Variants in WNT7B observed in about 807,000 individuals in gnomAD.
The protein encoded by WNT7B is protein Wnt-7b.
In WNT7B, 19 loss-of-function variants were observed where a neutral mutation model predicts 38.2. The observed-to-expected ratio is 0.50, with a 90% CI of 0.35 to 0.73. The LOEUF (loss-of-function observed/expected upper bound fraction) is 0.73. Among genes scored for constraint, WNT7B ranks in the 30% least tolerant of loss-of-function variants. WNT7B has a pLI of 0.01. For synonymous variants in WNT7B, 243 were observed against 209.3 expected (o/e 1.16, Z -1.39); for missense variants, 423 against 507.9 (o/e 0.83, Z 1.61).
At chr22:45,963,869 A>T (rs953727502) in intron 1 of WNT7B, among the ~76,000 whole-genome samples, 6 of 152,124 alleles carry the variant, frequency 3.9e-5, no homozygotes, top group Admixed American at 2.0e-4. Flanking sequence ...GAGGCATCAC[A>T]CCGCACACCC....
chr22:45,928,156 C>G (rs575065924), intron 3 of WNT7B, among the ~76,000 whole-genome samples: 1 of 152,180 alleles, frequency 6.6e-6, no homozygotes, highest in African/African-American at 2.4e-5. Flanking sequence ...TTGTCTGTGG[C>G]GGCAGTCAGC....
chr22:45,969,205 C>T (rs1932377109), intron 1 of WNT7B, among the ~76,000 whole-genome samples: 1 of 152,212 alleles, frequency 6.6e-6, no homozygotes, highest in Non-Finnish European at 1.5e-5. Context: ...GGTAAGTGCC[C>T]CCCCACCCTG....
At chr22:45,972,108 C>CGGGGGGGGGGGGGGGG in intron 1 of WNT7B, 1 of 579,228 alleles carries the variant, frequency 1.7e-6, no homozygotes, top group Non-Finnish European at 3.1e-6. Context: ...GCTGGAGGCC[C>CGGGGGGGGGGGGGGGG]GGGGGGAGCC....
chr22:45,935,780 C>T (rs908424760), intron 2 of WNT7B: 43 of 979,104 alleles, frequency 4.4e-5, no homozygotes, highest in Middle Eastern at 5.2e-4. Flanking sequence ...ATGGGAAAAC[C>T]GAGCCTTCAA....
rs1207851083 is a variant in WNT7B, at chr22:45,931,253, C to G, written c.415G>C (p.Gly139Arg). The G allele has an allele frequency of 6.3e-7, 1 of 1,598,978 alleles. No individual in the cohort carries two copies. Among genetic ancestry groups the G allele is most frequent in the East Asian group, 2.2e-5 (1 of 44,884 alleles). The change falls in exon 3 of 4, where the codon GGC becomes CGC. Residue 139 changes from glycine to arginine, a missense_variant. Coordinates refer to ENST00000339464, the MANE Select transcript of WNT7B (RefSeq NM_058238.3). ...SNCGCDREKQ[G>R]YYNQAEGWKW... ...CAGCCCTCGGCTTGGTTGTAGTAGCCCTGCTTCTCGCGGTCGCAGCCGCAG... is the reference window on the plus strand; with the variant it reads ...CAGCCCTCGGCTTGGTTGTAGTAGCGCTGCTTCTCGCGGTCGCAGCCGCAG...
chr22:45,924,949 T>TGG, intron 3 of WNT7B, among the ~76,000 whole-genome samples: 1 of 136,418 alleles, frequency 7.3e-6, no homozygotes, highest in South Asian at 2.4e-4. Flanking sequence ...TGAAGGCTCA[T>TGG]CAGGTGGGTG....
At position 45,922,878 on chromosome 22, in the gene WNT7B, G is replaced by A. The variant is rs1334960403; in HGVS notation, c.1028C>T (p.Thr343Ile). Residue 343 changes from threonine (T) to isoleucine (I), a missense_variant, in exon 4 of 4, where the codon ACC (threonine) becomes ATC (isoleucine). Transcript: ENST00000339464. ...GCCTCACTTGCAGGTGAAGACCTCG[G>A]TGCGCTCGCTGCAGGTGTTGCACTT... ...FVKCNTCSER[T>I]EVFTCK 1.2e-6 allele frequency: 2 copies of A among 1,603,060 alleles called. No homozygotes were observed. The highest frequency in any genetic ancestry group is 2.7e-5 in the African/African-American group (2 of 74,740).
chr22:45,943,682 T>C (rs757263420), intron 2 of WNT7B, among the ~76,000 whole-genome samples: 20 of 152,304 alleles, frequency 1.3e-4, no homozygotes, highest in Non-Finnish European at 1.9e-4. Flanking sequence ...GGGGGCAACA[T>C]GGCCTTGGGT....
At chr22:45,944,840 A>C (rs978394449) in intron 2 of WNT7B, among the ~76,000 whole-genome samples, 2 of 152,074 alleles carry the variant, frequency 1.3e-5, no homozygotes, top group African/African-American at 4.8e-5. Context: ...GTCCTCCGAA[A>C]ACGGCTGCTC....
chr22:45,952,140 G>C (rs117979240), intron 1 of WNT7B, among the ~76,000 whole-genome samples: 2 of 152,200 alleles, frequency 1.3e-5, no homozygotes, highest in African/African-American at 4.8e-5. Context: ...GGGGACCGCC[G>C]GGGGCTCCCC....
intron 1 of WNT7B, among the ~76,000 whole-genome samples, chr22:45,974,770 C>T (rs749313710): frequency 9.9e-5 from 15 of 152,108 alleles, no homozygotes; most frequent in Non-Finnish European, 1.6e-4. Context: ...TACACGGAGG[C>T]CCGGTGGGGT....
At chr22:45,936,037 G>C (rs1931506510) in intron 2 of WNT7B, 2 of 985,406 alleles carry the variant, frequency 2.0e-6, no homozygotes, top group Non-Finnish European at 1.2e-6. Context: ...GCATCCAGCA[G>C]TATCCCTAGA....
Position 45,931,247 on chromosome 22 carries a change from A to G in WNT7B, c.421T>C (p.Tyr141His). 6.3e-7 allele frequency: 1 copy of G among 1,599,192 alleles called. No individual in the cohort carries two copies. The highest frequency in any genetic ancestry group is 8.5e-7 in the Non-Finnish European group (1 of 1,179,840). Residue 141 changes from tyrosine (Y) to histidine (H), a missense_variant, in exon 3 of 4, where the codon TAC becomes CAC. Transcript: ENST00000339464. The stretch of plus-strand genomic sequence containing the variant: ...CACTTCCAGCCCTCGGCTTGGTTGT[A>G]GTAGCCCTGCTTCTCGCGGTCGCAG... ...CGCDREKQGY[Y>H]NQAEGWKWGG...
rs141954188 is a variant in WNT7B at position 45,930,795 on chromosome 22, C to G, written c.570+303G>C. Among the ~76,000 whole-genome samples, 531 of 152,342 alleles carry G rather than the reference C, an allele frequency of 3.5e-3. 3 individuals are homozygous for G. The highest frequency in any genetic ancestry group is 0.012 in the African/African-American group (502 of 41,590). On this transcript the variant is annotated intron_variant, in intron 3 of 3. Coordinates refer to ENST00000339464, the MANE Select transcript of WNT7B (RefSeq NM_058238.3). ...GGCTGTGGCCTGGGACCCTCCGCCA[C>G]GGGGTCCCCAGCCAAGCCCAGCTCA... is the stretch of plus-strand genomic sequence containing the variant.
At chr22:45,955,147 G>A (rs1932028921) in intron 1 of WNT7B, among the ~76,000 whole-genome samples, 1 of 152,212 alleles carries the variant, frequency 6.6e-6, no homozygotes, top group Non-Finnish European at 1.5e-5. Flanking sequence ...CGGCTCCCAT[G>A]CAGCTGCCAT....
rs988794189 is a variant in WNT7B at position 45,975,749 on chromosome 22, C to A, written c.71+935G>T. 2.6e-6 allele frequency: 1 copy of A among 388,488 alleles called. No homozygotes were observed. Among genetic ancestry groups the A allele is most frequent in the Non-Finnish European group, 4.6e-6 (1 of 217,458 alleles). The allele number at this position is 388,488 out of a possible 1,614,324, so 24.1% of individuals were successfully genotyped here. A position where few individuals can be genotyped will look rare whatever the true frequency, so the allele number is the denominator to read the frequency against. Reference sequence around the variant, plus strand: ...GGCGGCGCACAGTAGGCGCGCAGGGCGCGGCGGGGCCCGGGTCCCCGCAGG... The same window carrying A: ...GGCGGCGCACAGTAGGCGCGCAGGGAGCGGCGGGGCCCGGGTCCCCGCAGG... On this transcript the variant is annotated intron_variant, in intron 1 of 3. Transcript: ENST00000339464. The surrounding 1 kb of genome is among the most constrained non-coding windows in gnomAD (Gnocchi z 6.6).
rs1164975115 is a variant in WNT7B, at chr22:45,931,235, C to T, written c.433G>A (p.Glu145Lys). 4.4e-6 allele frequency: 7 copies of T among 1,599,228 alleles called. No individual in the cohort carries two copies. Among genetic ancestry groups the T allele is most frequent in the East Asian group, 2.2e-5 (1 of 44,884 alleles). ...REKQGYYNQA[E>K]GWKWGGCSAD... is the part of the protein sequence containing the mutation. The stretch of plus-strand genomic sequence containing the variant: ...GAGCAGCCGCCCCACTTCCAGCCCT[C>T]GGCTTGGTTGTAGTAGCCCTGCTTC... The change falls in exon 3 of 4, where the codon GAG becomes AAG. Residue 145 changes from glutamate (E) to lysine (K), a missense_variant. By Grantham distance (56) the Glu-to-Lys change is moderately conservative. Transcript: ENST00000339464.
chr22:45,972,132 C>T (rs762439426), intron 1 of WNT7B: 18 of 609,266 alleles, frequency 3.0e-5, no homozygotes, highest in South Asian at 2.1e-4. Context: ...CCGCCCACCC[C>T]GCACGCCGCC....
intron 2 of WNT7B, among the ~76,000 whole-genome samples, chr22:45,934,889 G>A (rs537777518): frequency 5.9e-5 from 9 of 152,340 alleles, no homozygotes; most frequent in South Asian, 4.1e-4. Context: ...CAGTAAGAAC[G>A]ACCTTAGGTC....
Sources: gnomAD v4.1 joint callset for allele counts (sites outside exome capture counted in the v4.1 genomes callset) on GRCh38, gnomAD v4.1.1 for gene constraint, Gnocchi (gnomAD v3.1) non-coding constraint, MANE v1.5 for transcripts, NCBI Gene and HGNC (gene_info 2026-07-23, HGNC 2026-07-21) for gene names.